The following PRMT3 variants were observed in gnomAD, a reference collection of about 807,000 sequenced individuals.
The protein encoded by PRMT3 is protein arginine N-methyltransferase 3.
In PRMT3, 62 loss-of-function variants were observed where a neutral mutation model predicts 71.9. That is an observed-to-expected ratio of 0.86 (90% CI 0.70 to 1.07). The LOEUF is 1.07. Ranked by LOEUF, PRMT3 falls within the 50% of genes least tolerant of loss-of-function variation. The pLI is 0.00. For synonymous variants in PRMT3, 213 were observed against 220.4 expected (o/e 0.97, Z 0.30); for missense variants, 663 against 643.0 (o/e 1.03, Z -0.34).
At chr11:20,480,381 CAGTTGAAA>C (rs1850901353) in intron 13 of PRMT3, among the ~76,000 whole-genome samples, 1 of 152,122 alleles carries the variant, frequency 6.6e-6, no homozygotes, top group African/African-American at 2.4e-5. Context: ...TATAGTACTT[CAGTTGAAA>C]AGTTGACCAA....
chr11:20,464,624 G>T, intron 13 of PRMT3, 78 bp downstream of exon 13: 1 of 1,564,080 alleles, frequency 6.4e-7, no homozygotes, highest in East Asian at 2.3e-5. Context: ...TAATTACCAG[G>T]CTTGTGACAA....
chr11:20,440,621 AATG>A (rs149299092), intron 10 of PRMT3, among the ~76,000 whole-genome samples: 4,513 of 152,190 alleles, frequency 0.03, 218 homozygotes, highest in African/African-American at 0.1. Context: ...TTTTATGTAC[AATG>A]ATGATGAATA....
At chr11:20,471,359 T>G (rs1264353775) in intron 13 of PRMT3, among the ~76,000 whole-genome samples, 1 of 152,236 alleles carries the variant, frequency 6.6e-6, no homozygotes, top group Non-Finnish European at 1.5e-5. Flanking sequence ...GTTTTACATT[T>G]AAGTCTTTAA....
At chr11:20,487,394 G>C (rs941293719) in intron 13 of PRMT3, among the ~76,000 whole-genome samples, 1 of 152,180 alleles carries the variant, frequency 6.6e-6, no homozygotes, top group Non-Finnish European at 1.5e-5. Flanking sequence ...ATCATCTGCA[G>C]TAATGTAGAT....
intron 10 of PRMT3, among the ~76,000 whole-genome samples, chr11:20,438,088 T>G (rs1274716756): frequency 6.6e-6 from 1 of 152,052 alleles, no homozygotes; most frequent in Non-Finnish European, 1.5e-5. Flanking sequence ...GTTACCTGGG[T>G]CTTTGGGTGC....
intron 13 of PRMT3, among the ~76,000 whole-genome samples, chr11:20,480,091 C>T (rs1210382231): frequency 1.3e-5 from 2 of 152,128 alleles, no homozygotes; most frequent in African/African-American, 2.4e-5. Context: ...TTGGAAGGAT[C>T]GCTTGAAGCC....
chr11:20,495,701 C>G (rs575635319), intron 15 of PRMT3, among the ~76,000 whole-genome samples: 50 of 152,220 alleles, frequency 3.3e-4, no homozygotes, highest in African/African-American at 1.2e-3. Flanking sequence ...ATATTTCACT[C>G]TAAAAGTTAG....
intron 11 of PRMT3, among the ~76,000 whole-genome samples, chr11:20,453,482 A>G (rs113795279): frequency 0.13 from 19,117 of 144,314 alleles, 1,349 homozygotes; most frequent in African/African-American, 0.2. Context: ...TCCATCTCAG[A>G]AAAAAAAAAA....
chr11:20,411,694 A>G (rs1173917100), intron 9 of PRMT3, among the ~76,000 whole-genome samples: 2 of 152,160 alleles, frequency 1.3e-5, no homozygotes, highest in African/African-American at 4.8e-5. Context: ...TTAAGTTTAT[A>G]TTCAGTTAAA....
chr11:20,413,182 T>C (rs1039350487), intron 9 of PRMT3, among the ~76,000 whole-genome samples: 3 of 152,180 alleles, frequency 2.0e-5, no homozygotes, highest in Non-Finnish European at 4.4e-5. Context: ...GGTAGTTATT[T>C]TTATAGTGTT....
rs148386517 is a variant in PRMT3, at chr11:20,494,170, G to A, written c.1402G>A (p.Val468Met). 28 of 1,603,300 alleles carry A rather than the reference G, an allele frequency of 1.7e-5. No individual in the cohort carries two copies. Among genetic ancestry groups the A allele is most frequent in the Non-Finnish European group, 2.1e-5 (25 of 1,170,600 alleles). Residue 468 changes from valine (V) to methionine (M), a missense_variant, in exon 15 of 16, where the codon GTG (valine) becomes ATG (methionine). Transcript: ENST00000331079. The part of the protein sequence containing the change: ...YFEKNCHNRV[V>M]FSTGPQSTKT... ...CCTTTGAACTTTACCAATTCAGGTCGTGTTCTCTACGGGCCCTCAGAGCAC... is the reference window on the plus strand; with the variant it reads ...CCTTTGAACTTTACCAATTCAGGTCATGTTCTCTACGGGCCCTCAGAGCAC...
intron 10 of PRMT3, among the ~76,000 whole-genome samples, chr11:20,436,952 G>T (rs6483683): frequency 0.82 from 124,656 of 152,022 alleles, 53,031 homozygotes; most frequent in Non-Finnish European, 0.95. Context: ...ATTCAATCTA[G>T]TTACTTGTGT....
intron 7 of PRMT3, among the ~76,000 whole-genome samples, chr11:20,402,140 C>T (rs183724477): frequency 3.3e-5 from 5 of 151,310 alleles, no homozygotes; most frequent in Admixed American, 6.6e-5. Flanking sequence ...TTTTTTGAGA[C>T]GGAATTTGCG....
intron 15 of PRMT3, among the ~76,000 whole-genome samples, chr11:20,505,178 T>TA (rs1354393431): frequency 1.3e-5 from 2 of 152,358 alleles, no homozygotes; most frequent in Admixed American, 1.3e-4. Flanking sequence ...TCTTTGCATA[T>TA]AGCTTCAGGA....
intron 8 of PRMT3, 81 bp from the exon 9 acceptor site, chr11:20,407,830 T>C: frequency 7.4e-7 from 1 of 1,356,832 alleles, no homozygotes; most frequent in Middle Eastern, 2.0e-4. Flanking sequence ...GCCAGAAACA[T>C]CATAATATAT....
chr11:20,397,776 T>C (rs1848860381), intron 7 of PRMT3, 55 bp downstream of exon 7: 2 of 1,579,504 alleles, frequency 1.3e-6, no homozygotes, highest in African/African-American at 1.4e-5. Flanking sequence ...ATAGAACAGG[T>C]TCTTTCTTAA....
chr11:20,416,995 G>T, intron 9 of PRMT3, among the ~76,000 whole-genome samples: 1 of 152,242 alleles, frequency 6.6e-6, no homozygotes, highest in Middle Eastern at 3.4e-3. Context: ...AGTTACCCCC[G>T]TAATGTTTTA....
chr11:20,451,572 C>T (rs1046936837), intron 10 of PRMT3, among the ~76,000 whole-genome samples: 6 of 151,920 alleles, frequency 3.9e-5, no homozygotes, highest in African/African-American at 7.3e-5. Context: ...TAGAGTTTCT[C>T]AACCTTAGTG....
chr11:20,445,369 CCTA>C (rs1850002603), intron 10 of PRMT3, among the ~76,000 whole-genome samples: 1 of 152,014 alleles, frequency 6.6e-6, no homozygotes, highest in Admixed American at 6.6e-5. Context: ...TTCCTATACC[CCTA>C]CTATTATATT....
Sources: gnomAD v4.1 joint callset for allele counts (sites outside exome capture counted in the v4.1 genomes callset) on GRCh38, gnomAD v4.1.1 for gene constraint, MANE v1.5 for transcripts, NCBI Gene and HGNC (gene_info 2026-07-23, HGNC 2026-07-21) for gene names.